Variants in DNM3 observed in about 807,000 individuals in gnomAD.
DNM3 encodes dynamin 3.
Under a neutral mutation model 101.6 loss-of-function variants are expected in DNM3, and 47 were observed. The observed-to-expected ratio is 0.46, with a 90% CI of 0.37 to 0.59. The LOEUF (loss-of-function observed/expected upper bound fraction) is 0.59. Ranked by LOEUF, DNM3 falls within the 20% of genes least tolerant of loss-of-function variation. The probability of loss-of-function intolerance (pLI) is 0.00; values close to 1 mark genes in which losing one functional copy is unlikely to be tolerated. For synonymous variants in DNM3, 385 were observed against 387.9 expected (o/e 0.99, Z 0.09); for missense variants, 849 against 1,085.7 (o/e 0.78, Z 3.06).
chr1:172,365,974 AATCTC>A (rs1236655547), intron 17 of DNM3, among the ~76,000 whole-genome samples: 2 of 151,992 alleles, frequency 1.3e-5, no homozygotes, highest in African/African-American at 4.8e-5. Context: ...TAATGCCTGT[AATCTC>A]AGCTAGTTCA....
At position 172,092,887 on chromosome 1, in the gene DNM3, A is replaced by G. The variant is rs1190751815; in HGVS notation, c.1545+12A>G. Reference sequence around the variant, plus strand: ...CAGTTGGAAATCAGGTAGGAATTGCATAAGAGAATCAGTGTATGCATGTCC... The same window carrying G: ...CAGTTGGAAATCAGGTAGGAATTGCGTAAGAGAATCAGTGTATGCATGTCC... On this transcript the variant is annotated intron_variant, in intron 13 of 20. Coordinates refer to ENST00000627582, the MANE Select transcript of DNM3 (RefSeq NM_015569.5). 3.9e-6 allele frequency: 6 copies of G among 1,555,588 alleles called. No individual in the cohort carries two copies. The highest frequency in any genetic ancestry group is 1.7e-4 in the Middle Eastern group (1 of 6,008).
chr1:172,171,316 TA>T lies in DNM3; in HGVS notation c.1659+40029del, dbSNP rs1175827390. Reference sequence around the variant, plus strand: ...TGTAACAATAAAAATGCTTTCTTTCTAGTTATTATGATCATGTTATTGAATA... The same window carrying T: ...TGTAACAATAAAAATGCTTTCTTTCTGTTATTATGATCATGTTATTGAATA... On this transcript the variant is annotated intron_variant, in intron 14 of 20. Transcript: ENST00000627582. Among the ~76,000 whole-genome samples the T allele has an allele frequency of 2.0e-5, 3 of 151,810 alleles. No individual in the cohort carries two copies. The East Asian group carries it at 5.8e-4, about 29-fold the overall frequency.
chr1:171,841,584 CA>C lies in DNM3; in HGVS notation c.-72del, dbSNP rs2124934389. ...CCCGGCGCAGCAGCAGCAGCCAGGGCAGCGCGGCCCCTACTCCCTGTCAGGT... is the reference window on the plus strand; with the variant it reads ...CCCGGCGCAGCAGCAGCAGCCAGGGCGCGCGGCCCCTACTCCCTGTCAGGT... On this transcript the variant is annotated 5_prime_UTR_variant, in exon 1 of 21. Coordinates refer to ENST00000627582, the MANE Select transcript of DNM3 (RefSeq NM_015569.5). The C allele has an allele frequency of 6.5e-7, 1 of 1,538,178 alleles. No homozygotes were observed. The highest frequency in any genetic ancestry group is 1.2e-5 in the South Asian group (1 of 83,668).
chr1:171,931,890 A>G (rs1031182719), intron 2 of DNM3, among the ~76,000 whole-genome samples: 2 of 152,226 alleles, frequency 1.3e-5, no homozygotes, highest in African/African-American at 4.8e-5. Context: ...CACTAGAATT[A>G]TTTTAAACCA....
rs1483454631 is a variant in DNM3 at position 172,205,238 on chromosome 1, A to C, written c.1660-48335A>C. ...TCTTCCCAGGTTACCTTTTGCTATC[A>C]TCTCTAGCCACCTCCTTGGAGAAGC... On this transcript the variant is annotated intron_variant, in intron 14 of 20. Coordinates refer to ENST00000627582, the MANE Select transcript of DNM3 (RefSeq NM_015569.5). Among the ~76,000 whole-genome samples the C allele has an allele frequency of 2.6e-5, 4 of 152,230 alleles. No homozygotes were observed. The South Asian group carries it at 8.3e-4, about 32-fold the overall frequency.
chr1:171,879,040 A>G lies in DNM3; in HGVS notation c.161+37223A>G, dbSNP rs185931542. ...TAGTTATGCAAGTGCACTTAATTTT[A>G]TGGAACATCCTCATGATTCAATCTG... is the stretch of plus-strand genomic sequence containing the variant. On this transcript the variant is annotated intron_variant, in intron 1 of 20. Transcript: ENST00000627582. Among the ~76,000 whole-genome samples the G allele has an allele frequency of 2.0e-3, 308 of 152,292 alleles. 1 individual carries two copies. Among genetic ancestry groups the G allele is most frequent in the African/African-American group, 6.8e-3 (281 of 41,578 alleles).
intron 17 of DNM3, among the ~76,000 whole-genome samples, chr1:172,343,413 C>T (rs1296634832): frequency 6.6e-6 from 1 of 152,038 alleles, no homozygotes; most frequent in Non-Finnish European, 1.5e-5. Context: ...AAAATTCCAG[C>T]TGTCCTTTAA....
chr1:172,068,010 T>A (rs2051834320), intron 10 of DNM3, among the ~76,000 whole-genome samples: 1 of 152,194 alleles, frequency 6.6e-6, no homozygotes, highest in Admixed American at 6.5e-5. Flanking sequence ...ACTTAACCTC[T>A]CTGTGCTTCA....
At chr1:172,174,231 A>G (rs1226735428) in intron 14 of DNM3, among the ~76,000 whole-genome samples, 2 of 151,678 alleles carry the variant, frequency 1.3e-5, no homozygotes, top group Admixed American at 1.3e-4. Context: ...AACAAATTTG[A>G]TGGTTGAGTA....
intron 1 of DNM3, 110 bp downstream of exon 1, chr1:171,841,927 C>A (rs1307254198): frequency 1.6e-6 from 2 of 1,218,794 alleles, no homozygotes; most frequent in South Asian, 2.2e-5. Flanking sequence ...CCAGGCGCTG[C>A]GGTGGAATGG....
intron 1 of DNM3, among the ~76,000 whole-genome samples, chr1:171,865,573 G>C (rs887602395): frequency 6.7e-6 from 1 of 148,222 alleles, no homozygotes; most frequent in Non-Finnish European, 1.5e-5. Context: ...GCAGGACCAA[G>C]GTAAGATAAA....
At chr1:172,061,421 C>A in intron 10 of DNM3, among the ~76,000 whole-genome samples, 1 of 150,734 alleles carries the variant, frequency 6.6e-6, no homozygotes, top group Non-Finnish European at 1.5e-5. Flanking sequence ...CAGCACTATT[C>A]ACAATAGCAA....
rs541412698 is a variant in DNM3 at position 172,316,933 on chromosome 1, T to C, written c.1882-6396T>C. Reference sequence around the variant, plus strand: ...CTCTCCACCCCAAATCAATAGAATATACATTTTTTTCAGCACCGCACCACA... The same window carrying C: ...CTCTCCACCCCAAATCAATAGAATACACATTTTTTTCAGCACCGCACCACA... On this transcript the variant is annotated intron_variant, in intron 16 of 20. Coordinates refer to ENST00000627582, the MANE Select transcript of DNM3 (RefSeq NM_015569.5). 3.9e-5 allele frequency among the ~76,000 whole-genome samples: 6 copies of C among 152,242 alleles called. No individual in the cohort carries two copies. The East Asian group carries it at 9.7e-4, about 24-fold the overall frequency.
rs1177438457 is a variant in DNM3 at position 172,190,804 on chromosome 1, C to T, written c.1659+59516C>T. Among the ~76,000 whole-genome samples, 3 of 152,044 alleles carry T rather than the reference C, an allele frequency of 2.0e-5. No individual in the cohort carries two copies. The East Asian group carries it at 5.8e-4, about 29-fold the overall frequency. On this transcript the variant is annotated intron_variant, in intron 14 of 20. Coordinates refer to ENST00000627582, the MANE Select transcript of DNM3 (RefSeq NM_015569.5). Reference sequence around the variant, plus strand: ...TTTTTTCATGTGTCTGTTGGTGGCACAAATGTCTTCTTTTGAGAAGTGTCT... The same window carrying T: ...TTTTTTCATGTGTCTGTTGGTGGCATAAATGTCTTCTTTTGAGAAGTGTCT...
intron 14 of DNM3, among the ~76,000 whole-genome samples, chr1:172,132,545 C>T (rs966091075): frequency 6.6e-6 from 1 of 152,156 alleles, no homozygotes; most frequent in African/African-American, 2.4e-5. Context: ...CTCAGAGACA[C>T]TTCCCTAGAT....
intron 14 of DNM3, among the ~76,000 whole-genome samples, chr1:172,249,290 C>T (rs996308947): frequency 3.3e-5 from 5 of 152,166 alleles, no homozygotes; most frequent in Admixed American, 3.3e-4. Flanking sequence ...CGAGCACATA[C>T]TGTAGTCATC....
intron 14 of DNM3, among the ~76,000 whole-genome samples, chr1:172,209,558 G>T (rs2060440847): frequency 6.6e-6 from 1 of 151,962 alleles, no homozygotes; most frequent in Admixed American, 6.6e-5. Flanking sequence ...TGAGGCCAGG[G>T]TGATTATTGC....
chr1:172,226,571 G>A (rs545958360), intron 14 of DNM3, among the ~76,000 whole-genome samples: 4 of 152,172 alleles, frequency 2.6e-5, no homozygotes, highest in Non-Finnish European at 4.4e-5. Context: ...ATGACCTTAA[G>A]TGTAAGTCGC....
intron 2 of DNM3, among the ~76,000 whole-genome samples, chr1:171,985,764 G>C (rs1483634975): frequency 6.6e-6 from 1 of 152,092 alleles, no homozygotes; most frequent in African/African-American, 2.4e-5. Flanking sequence ...GAAACTTTTT[G>C]GTCCACTTTG....
Sources: allele counts gnomAD v4.1 joint callset (sites outside exome capture counted in the v4.1 genomes callset), GRCh38; gene constraint gnomAD v4.1.1; transcripts MANE v1.5; gene names NCBI Gene and HGNC (gene_info 2026-07-23, HGNC 2026-07-21).